VPS13B: variants seen among roughly 807,000 people sequenced by gnomAD.
VPS13B encodes intermembrane lipid transfer protein VPS13B.
A neutral mutation model predicts 426.4 loss-of-function variants in VPS13B; 285 were observed. That is an observed-to-expected ratio of 0.67 (90% CI 0.61 to 0.74). The LOEUF (loss-of-function observed/expected upper bound fraction) is 0.74, where lower values mean the gene tolerates loss of function less well. Ranked by LOEUF, VPS13B falls within the 30% of genes least tolerant of loss-of-function variation. The probability of loss-of-function intolerance (pLI) is 0.00; values close to 1 mark genes in which losing one functional copy is unlikely to be tolerated. For missense variants in VPS13B, 4,537 were observed against 4,782.6 expected (o/e 0.95, Z 1.51); for synonymous variants, 1,676 against 1,676.4 (o/e 1.00, Z 0.01).
chr8:99,700,484 C>T (rs2130186579), intron 36 of VPS13B, among the ~76,000 whole-genome samples: 1 of 152,382 alleles, frequency 6.6e-6, no homozygotes, highest in South Asian at 2.1e-4. Flanking sequence ...GGCAGATATG[C>T]TACACAAAGT....
At chr8:99,207,870 G>A (rs752646835) in intron 17 of VPS13B, among the ~76,000 whole-genome samples, 1 of 152,120 alleles carries the variant, frequency 6.6e-6, no homozygotes, top group Non-Finnish European at 1.5e-5. Flanking sequence ...TTTGCAATCT[G>A]TTCAGTTCTG....
intron 17 of VPS13B, among the ~76,000 whole-genome samples, chr8:99,256,366 T>A (rs1256452140): frequency 2.0e-5 from 3 of 152,208 alleles, no homozygotes; most frequent in Non-Finnish European, 4.4e-5. Context: ...AACACAGGTA[T>A]ACAAATATCT....
chr8:99,622,797 G>T (rs1009684354), intron 33 of VPS13B, among the ~76,000 whole-genome samples: 4 of 152,044 alleles, frequency 2.6e-5, no homozygotes, highest in African/African-American at 9.7e-5. Flanking sequence ...CTCACCTCCT[G>T]TTTCTTTCTT....
At chr8:99,491,595 C>T (rs545872493) in intron 25 of VPS13B, among the ~76,000 whole-genome samples, 1 of 152,124 alleles carries the variant, frequency 6.6e-6, no homozygotes, top group African/African-American at 2.4e-5. Flanking sequence ...TGTCTTCTCA[C>T]TTTATTTCAT....
chr8:99,746,791 C>T (rs761615304), intron 39 of VPS13B, among the ~76,000 whole-genome samples: 1 of 152,074 alleles, frequency 6.6e-6, no homozygotes, highest in Non-Finnish European at 1.5e-5. Flanking sequence ...GAATCAACAA[C>T]ATCTGTAGCA....
At chr8:99,529,600 G>A (rs770959586) in intron 30 of VPS13B, among the ~76,000 whole-genome samples, 17 of 152,000 alleles carry the variant, frequency 1.1e-4, no homozygotes, top group Non-Finnish European at 2.2e-4. Context: ...GTTTTCTTCC[G>A]TGAAATAGTT....
At position 99,406,223 on chromosome 8, in the gene VPS13B, G is replaced by GT. The variant is rs74275398; in HGVS notation, c.3082+14533dup. Reference sequence around the variant, plus strand: ...AACACTTATCATGTATCCTGTTCTTGTTTTTTTTTTTTTTATTCTCTCCTT... The same window carrying GT: ...AACACTTATCATGTATCCTGTTCTTGTTTTTTTTTTTTTTTATTCTCTCCTT... On this transcript the variant is annotated intron_variant, in intron 21 of 61. Transcript: ENST00000357162. Among the ~76,000 whole-genome samples the GT allele has an allele frequency of 4.8e-3, 660 of 136,618 alleles. 2 individuals are homozygous for GT. The highest frequency in any genetic ancestry group is 5.0e-3 in the Admixed American group (68 of 13,614). 89.6% of individuals were successfully genotyped at this position (136,618 alleles called of 152,430 possible).
At chr8:99,082,588 G>A (rs1362193657) in intron 3 of VPS13B, among the ~76,000 whole-genome samples, 1 of 152,084 alleles carries the variant, frequency 6.6e-6, no homozygotes, top group Non-Finnish European at 1.5e-5. Flanking sequence ...GGGTTTTTAT[G>A]GTTTTAGGTC....
chr8:99,686,677 T>C lies in VPS13B; in HGVS notation c.6047-12848T>C, dbSNP rs1407391751. Among the ~76,000 whole-genome samples, 3 of 151,908 alleles carry C rather than the reference T, an allele frequency of 2.0e-5. 1 individual carries two copies. The highest frequency in any genetic ancestry group is 7.3e-5 in the African/African-American group (3 of 41,248). On this transcript the variant is annotated intron_variant, in intron 35 of 61. Coordinates refer to ENST00000357162, the MANE Select transcript of VPS13B (RefSeq NM_152564.5). ...GCGAGTGCTACGTGGCTACCACAGA[T>C]GTTCCCACAAGGTCCAAGGGCTCTT...
intron 43 of VPS13B, among the ~76,000 whole-genome samples, chr8:99,788,620 T>C (rs976512653): frequency 6.6e-6 from 1 of 152,172 alleles, no homozygotes; most frequent in Non-Finnish European, 1.5e-5. Context: ...AAATCAGCCA[T>C]AGGTGATATG....
chr8:99,763,135 C>CAAAAAAAAAAAAAAAAAAAAAAAAA (rs750289763), intron 39 of VPS13B, among the ~76,000 whole-genome samples: 1 of 35,848 alleles, frequency 2.8e-5, no homozygotes, highest in African/African-American at 1.4e-4. Context: ...GACCTTGTCT[C>CAAAAAAAAAAAAAAAAAAAAAAAAA]AAAAAAAAAA....
intron 30 of VPS13B, among the ~76,000 whole-genome samples, chr8:99,529,081 AC>A (rs1822791853): frequency 6.6e-6 from 1 of 152,148 alleles, no homozygotes; most frequent in Non-Finnish European, 1.5e-5. Flanking sequence ...ATTTTAATAA[AC>A]CTATATAACT....
At chr8:99,667,271 T>C (rs1355275640) in intron 35 of VPS13B, among the ~76,000 whole-genome samples, 1 of 151,184 alleles carries the variant, frequency 6.6e-6, no homozygotes, top group African/African-American at 2.4e-5. Context: ...ATATGGCTCT[T>C]ATCAAACTTC....
intron 19 of VPS13B, among the ~76,000 whole-genome samples, chr8:99,351,586 C>T (rs557248739): frequency 1.3e-5 from 2 of 152,100 alleles, no homozygotes; most frequent in East Asian, 1.9e-4. Context: ...TCAAACATTA[C>T]CTCTCTCAAA....
intron 33 of VPS13B, among the ~76,000 whole-genome samples, chr8:99,610,432 T>C (rs879861646): frequency 2.6e-5 from 4 of 152,160 alleles, no homozygotes; most frequent in Non-Finnish European, 5.9e-5. Context: ...TTCATGTCCT[T>C]TGCGGGGACA....
In VPS13B at chr8:99,607,762, A is replaced by G. The variant is rs115440280; in HGVS notation, c.5220+30129A>G. 7.0e-3 allele frequency among the ~76,000 whole-genome samples: 1,060 copies of G among 152,270 alleles called. 14 individuals carry two copies. The highest frequency in any genetic ancestry group is 0.024 in the African/African-American group (1,003 of 41,558). ...TACTGTTTATTAGCTATAACCTAAT[A>G]TTTACCATATAAAAATTAAAATGGG... On this transcript the variant is annotated intron_variant, in intron 33 of 61. Transcript: ENST00000357162.
Position 99,547,074 on chromosome 8 carries a change from G to C in VPS13B, c.4746-9376G>C, listed in dbSNP as rs541268549. Among the ~76,000 whole-genome samples the C allele has an allele frequency of 2.6e-5, 4 of 152,162 alleles. No homozygotes were observed. The South Asian group carries it at 8.3e-4, about 32-fold the overall frequency. On this transcript the variant is annotated intron_variant, in intron 30 of 61. Coordinates refer to ENST00000357162, the MANE Select transcript of VPS13B (RefSeq NM_152564.5). ...GAGATACATTGTTCAAAGTTAGAGA[G>C]CTGTAATGACCCAAGTATCAGAATG...
chr8:99,834,866 C>T lies in VPS13B; in HGVS notation c.9615-331C>T, dbSNP rs35615286. On this transcript the variant is annotated intron_variant, in intron 52 of 61. Coordinates refer to ENST00000357162, the MANE Select transcript of VPS13B (RefSeq NM_152564.5). ...GAGCCACCATGCACAGCCTACCAAG[C>T]ACTTTTAAGGAAGAAGAAAGTACCC... is the stretch of plus-strand genomic sequence containing the variant. Among the ~76,000 whole-genome samples the T allele has an allele frequency of 0.13, 19,970 of 152,188 alleles. 1,351 individuals carry two copies. Among genetic ancestry groups the T allele is most frequent in the African/African-American group, 0.15 (6,263 of 41,534 alleles).
intron 3 of VPS13B, chr8:99,094,191 T>C (rs1041654804): frequency 6.6e-6 from 1 of 152,186 alleles, no homozygotes; most frequent in African/African-American, 2.4e-5. Flanking sequence ...TATGCTAGTT[T>C]TGGCAGTTCA....
Sources: gnomAD v4.1 joint callset for allele counts (sites outside exome capture counted in the v4.1 genomes callset) on GRCh38, gnomAD v4.1.1 for gene constraint, MANE v1.5 for transcripts, NCBI Gene and HGNC (gene_info 2026-07-23, HGNC 2026-07-21) for gene names.